Variants in ASAP2 observed in about 807,000 individuals in gnomAD.
The protein encoded by ASAP2 is arf-GAP with SH3 domain, ANK repeat and PH domain-containing protein 2.
Under a neutral mutation model 131.4 loss-of-function variants are expected in ASAP2, and 45 were observed. The observed-to-expected ratio is 0.34, with a 90% CI of 0.27 to 0.44. The LOEUF is 0.44. ASAP2 is among the 20% of genes least tolerant of loss of function. ASAP2 has a pLI of 1.00. For synonymous variants in ASAP2, 510 were observed against 503.0 expected (o/e 1.01, Z -0.19); for missense variants, 1,011 against 1,297.0 (o/e 0.78, Z 3.39).
intron 12 of ASAP2, 117 bp downstream of exon 12, chr2:9,351,012 C>T: frequency 1.4e-6 from 1 of 731,136 alleles, no homozygotes; most frequent in Admixed American, 3.1e-5. Flanking sequence ...GAGACATACC[C>T]TTTTTCTAGT....
At chr2:9,354,778 C>A (rs1672586467) in intron 12 of ASAP2, among the ~76,000 whole-genome samples, 1 of 152,182 alleles carries the variant, frequency 6.6e-6, no homozygotes, top group Admixed American at 6.5e-5. Flanking sequence ...GGCTTCAGCC[C>A]TCACCCAGTC....
intron 9 of ASAP2, among the ~76,000 whole-genome samples, chr2:9,340,944 G>C (rs1006997302): frequency 6.6e-6 from 1 of 152,184 alleles, no homozygotes; most frequent in Non-Finnish European, 1.5e-5. Context: ...AAAGCCTTTT[G>C]AGGTTCCACC....
At position 9,229,149 on chromosome 2, in the gene ASAP2, G is replaced by GC. The variant is rs56706792; in HGVS notation, c.126+21927dup. 9.3e-3 allele frequency among the ~76,000 whole-genome samples: 1,407 copies of GC among 151,520 alleles called. 21 individuals are homozygous for GC. The highest frequency in any genetic ancestry group is 0.031 in the African/African-American group (1,267 of 41,268). Reference sequence around the variant, plus strand: ...TACTAAACATCTGTACAGATGTGGAGCCCCCCCCGCATCATCACACTTAAC... The same window carrying GC: ...TACTAAACATCTGTACAGATGTGGAGCCCCCCCCCGCATCATCACACTTAAC... On this transcript the variant is annotated intron_variant, in intron 1 of 27. Coordinates refer to ENST00000281419, the MANE Select transcript of ASAP2 (RefSeq NM_003887.3).
intron 1 of ASAP2, among the ~76,000 whole-genome samples, chr2:9,220,597 A>G (rs1328906801): frequency 1.3e-5 from 2 of 152,248 alleles, no homozygotes; most frequent in East Asian, 1.9e-4. Context: ...TAATCTGAAC[A>G]TTAGACCCAG....
chr2:9,248,160 C>T (rs1190714557), intron 1 of ASAP2, among the ~76,000 whole-genome samples: 1 of 152,196 alleles, frequency 6.6e-6, no homozygotes, highest in East Asian at 1.9e-4. Flanking sequence ...CTCAGCAGAG[C>T]AGGGCCATCA....
In ASAP2 at chr2:9,393,654, C is replaced by G. The variant is rs1212004424; in HGVS notation, c.2684+7C>G. On this transcript the variant is annotated splice_region_variant and intron_variant, in intron 24 of 27. Coordinates refer to ENST00000281419, the MANE Select transcript of ASAP2 (RefSeq NM_003887.3). Reference sequence around the variant, plus strand: ...AGAAGAAGCCTGCGCCGGGGTAAGCCACCCCCAGCCAGCTCGGCCATCCGT... The same window carrying G: ...AGAAGAAGCCTGCGCCGGGGTAAGCGACCCCCAGCCAGCTCGGCCATCCGT... The G allele has an allele frequency of 1.3e-6, 2 of 1,558,666 alleles. No homozygotes were observed.
At chr2:9,263,335 C>T (rs1225353386) in intron 1 of ASAP2, among the ~76,000 whole-genome samples, 2 of 152,214 alleles carry the variant, frequency 1.3e-5, no homozygotes, top group East Asian at 1.9e-4. Flanking sequence ...CTGTGGCTCT[C>T]CCCAAAGCAG....
intron 2 of ASAP2, among the ~76,000 whole-genome samples, chr2:9,286,346 T>C (rs1238107284): frequency 1.3e-5 from 2 of 151,646 alleles, no homozygotes; most frequent in African/African-American, 4.9e-5. Context: ...TGCAGTGAGC[T>C]GAAACTGCAC....
intron 12 of ASAP2, among the ~76,000 whole-genome samples, chr2:9,351,641 G>A (rs1672339216): frequency 1.3e-5 from 2 of 152,224 alleles, no homozygotes; most frequent in African/African-American, 4.8e-5. Context: ...GTGTACTGTA[G>A]GAAGGCGGTG....
chr2:9,367,786 T>C (rs577392790), intron 15 of ASAP2, among the ~76,000 whole-genome samples: 3 of 152,346 alleles, frequency 2.0e-5, no homozygotes, highest in South Asian at 4.1e-4. Flanking sequence ...GTTAATTTAA[T>C]GTTTAACATG....
intron 1 of ASAP2, among the ~76,000 whole-genome samples, chr2:9,258,715 A>T (rs2709590): frequency 1.3e-5 from 2 of 152,062 alleles, no homozygotes; most frequent in Non-Finnish European, 2.9e-5. Context: ...ACTTCTTTAG[A>T]TCTCTTGAGG....
rs1671429765 is a variant in ASAP2 at position 9,339,349 on chromosome 2, C to T, written c.849+4170C>T. On this transcript the variant is annotated intron_variant, in intron 9 of 27. Coordinates refer to ENST00000281419, the MANE Select transcript of ASAP2 (RefSeq NM_003887.3). Reference sequence around the variant, plus strand: ...AATCCTGGGTCTCCCACTTCCTACCCTGCCCTGTGACACTGGGCAGGTTCC... The same window carrying T: ...AATCCTGGGTCTCCCACTTCCTACCTTGCCCTGTGACACTGGGCAGGTTCC... Among the ~76,000 whole-genome samples, 5 of 152,052 alleles carry T rather than the reference C, an allele frequency of 3.3e-5. No individual in the cohort carries two copies. The South Asian group carries it at 8.3e-4, about 25-fold the overall frequency.
chr2:9,326,444 G>C (rs144725775), intron 6 of ASAP2, among the ~76,000 whole-genome samples: 5 of 150,640 alleles, frequency 3.3e-5, no homozygotes, highest in Non-Finnish European at 7.4e-5. Flanking sequence ...CAAATAGGTA[G>C]TACAGACCTT....
At chr2:9,393,031 A>G (rs1272911140) in intron 23 of ASAP2, among the ~76,000 whole-genome samples, 1 of 152,128 alleles carries the variant, frequency 6.6e-6, no homozygotes, top group African/African-American at 2.4e-5. Context: ...AGTAGCTCCC[A>G]TCTCTCCTCA....
intron 9 of ASAP2, among the ~76,000 whole-genome samples, chr2:9,344,154 G>T (rs1479410505): frequency 7.9e-5 from 12 of 152,176 alleles, no homozygotes; most frequent in Admixed American, 3.3e-4. Flanking sequence ...CGTTTTGCTT[G>T]GAAACCCCTG....
At chr2:9,233,275 C>T (rs532986361) in intron 1 of ASAP2, among the ~76,000 whole-genome samples, 6 of 152,236 alleles carry the variant, frequency 3.9e-5, no homozygotes, top group East Asian at 1.9e-4. Context: ...GAAGGAATTG[C>T]GAAGCCGTAC....
chr2:9,373,483 C>G (rs1383895930), intron 16 of ASAP2, among the ~76,000 whole-genome samples: 10 of 152,190 alleles, frequency 6.6e-5, no homozygotes, highest in African/African-American at 1.7e-4. Context: ...TTAGGCTGGC[C>G]CATCTTCAAG....
At chr2:9,379,180 GAGA>G (rs1674639712) in intron 19 of ASAP2, 121 bp downstream of exon 19, 1 of 557,494 alleles carries the variant, frequency 1.8e-6, no homozygotes, top group Non-Finnish European at 2.9e-6. Context: ...TAGTGCCAAA[GAGA>G]AGGAGAACCT....
chr2:9,309,889 G>A (rs924184345), intron 3 of ASAP2, among the ~76,000 whole-genome samples: 4 of 152,308 alleles, frequency 2.6e-5, no homozygotes, highest in Admixed American at 2.6e-4. Flanking sequence ...TCTGTCCTGT[G>A]GGACATCACA....
Sources: gnomAD v4.1 joint callset for allele counts (sites outside exome capture counted in the v4.1 genomes callset) on GRCh38, gnomAD v4.1.1 for gene constraint, MANE v1.5 for transcripts, NCBI Gene and HGNC (gene_info 2026-07-23, HGNC 2026-07-21) for gene names.